PLEKHA5: variants seen among roughly 807,000 people sequenced by gnomAD.
The protein encoded by PLEKHA5 is pleckstrin homology domain containing A5, also known as pleckstrin homology domain-containing family A member 5.
A neutral mutation model predicts 181.9 loss-of-function variants in PLEKHA5; 55 were observed. That is an observed-to-expected ratio of 0.30 (90% CI 0.24 to 0.38). The LOEUF (loss-of-function observed/expected upper bound fraction) is 0.38, where lower values mean the gene tolerates loss of function less well. Ranked by LOEUF, PLEKHA5 falls within the 10% of genes least tolerant of loss-of-function variation. The pLI, the probability that PLEKHA5 is intolerant of heterozygous loss-of-function variation, is 1.00. For missense variants in PLEKHA5, 1,432 were observed against 1,549.5 expected (o/e 0.92, Z 1.27); for synonymous variants, 535 against 529.4 (o/e 1.01, Z -0.15).
At chr12:19,184,853 A>G (rs955687993) in intron 3 of PLEKHA5, among the ~76,000 whole-genome samples, 12 of 152,188 alleles carry the variant, frequency 7.9e-5, no homozygotes, top group African/African-American at 2.9e-4. Context: ...ACTGGGGAAT[A>G]CCTATAAAAA....
intron 3 of PLEKHA5, among the ~76,000 whole-genome samples, chr12:19,156,096 A>G (rs933441802): frequency 7.9e-5 from 12 of 152,172 alleles, no homozygotes; most frequent in African/African-American, 1.4e-4. Context: ...GAGCTTTCCT[A>G]TATCAGTTAT....
chr12:19,326,173 A>G (rs1182478776), intron 20 of PLEKHA5, among the ~76,000 whole-genome samples: 1 of 152,174 alleles, frequency 6.6e-6, no homozygotes, highest in African/African-American at 2.4e-5. Context: ...AAACCCTCAG[A>G]ATATATTCTT....
intron 15 of PLEKHA5, among the ~76,000 whole-genome samples, chr12:19,297,501 A>G (rs1009453160): frequency 1.9e-4 from 28 of 151,058 alleles, no homozygotes; most frequent in Non-Finnish European, 3.2e-4. Context: ...GGGCGCCTGT[A>G]GTCCCAGCTA....
intron 15 of PLEKHA5, chr12:19,306,607 C>T: frequency 3.2e-6 from 3 of 924,926 alleles, no homozygotes; most frequent in Non-Finnish European, 5.4e-6. Flanking sequence ...GGCCCAGTAG[C>T]GGAGGTGGTG....
intron 11 of PLEKHA5, among the ~76,000 whole-genome samples, chr12:19,276,428 A>T (rs2017208): frequency 1.3e-5 from 2 of 152,060 alleles, no homozygotes; most frequent in Non-Finnish European, 2.9e-5. Context: ...AGGTGGCTTG[A>T]GTCTGTAATC....
intron 3 of PLEKHA5, among the ~76,000 whole-genome samples, chr12:19,247,355 T>G (rs2064004132): frequency 6.6e-6 from 1 of 152,226 alleles, no homozygotes; most frequent in Admixed American, 6.5e-5. Context: ...AGAACTAAGA[T>G]GTCTGCTTAA....
At position 19,275,050 on chromosome 12, in the gene PLEKHA5, T is replaced by G; in HGVS notation, c.1313+67T>G. On this transcript the variant is annotated intron_variant, in intron 11 of 31. Coordinates refer to ENST00000429027, the MANE Select transcript of PLEKHA5 (RefSeq NM_001256470.2). ...TGCTGTGTTGGTGGAGATTGGTTTC[T>G]GAGCTACTGATTAAAATATTGGTTT... 3.0e-6 allele frequency: 3 copies of G among 1,003,134 alleles called. No homozygotes were observed. The South Asian group carries it at 4.5e-5, about 15-fold the overall frequency. The allele number at this position is 1,003,134 out of a possible 1,614,324, so 62.1% of individuals were successfully genotyped here.
Position 19,130,658 on chromosome 12 carries a change from G to A in PLEKHA5, c.169+528G>A, listed in dbSNP as rs1670045539. 6.6e-6 allele frequency: 1 copy of A among 152,630 alleles called. No homozygotes were observed. The highest frequency in any genetic ancestry group is 1.5e-5 in the Non-Finnish European group (1 of 68,346). 9.5% of individuals were successfully genotyped at this position (152,630 alleles called of 1,614,324 possible). On this transcript the variant is annotated intron_variant, in intron 2 of 31. Coordinates refer to ENST00000429027, the MANE Select transcript of PLEKHA5 (RefSeq NM_001256470.2). The surrounding 1 kb of genome is among the most constrained non-coding windows in gnomAD (Gnocchi z 4.5). ...GCCGTGCAGCTTCCTCCTCCTAGGT[G>A]GGACTTGTGGGTAGGTGGCTGATGA...
chr12:19,175,387 C>T (rs1300967879), intron 3 of PLEKHA5, among the ~76,000 whole-genome samples: 1 of 152,032 alleles, frequency 6.6e-6, no homozygotes, highest in Non-Finnish European at 1.5e-5. Context: ...ATTAACCAGA[C>T]TTTTTTCAGT....
At chr12:19,337,441 T>G (rs1030362241) in intron 21 of PLEKHA5, among the ~76,000 whole-genome samples, 17 of 147,088 alleles carry the variant, frequency 1.2e-4, no homozygotes, top group Non-Finnish European at 3.0e-5. Flanking sequence ...CCCAGCTACT[T>G]GGGAGGCTGA....
intron 3 of PLEKHA5, among the ~76,000 whole-genome samples, chr12:19,137,563 A>G (rs1297836649): frequency 2.0e-5 from 3 of 152,202 alleles, no homozygotes; most frequent in African/African-American, 7.2e-5. Flanking sequence ...AGAGATAAAT[A>G]TGCAGTATAT....
intron 16 of PLEKHA5, among the ~76,000 whole-genome samples, chr12:19,318,036 T>TG (rs2089549507): frequency 1.3e-5 from 2 of 151,710 alleles, no homozygotes. Flanking sequence ...TTCTTTTTTT[T>TG]CGGTAGGGCC....
intron 3 of PLEKHA5, among the ~76,000 whole-genome samples, chr12:19,196,700 A>G (rs540516735): frequency 1.3e-5 from 2 of 152,234 alleles, no homozygotes; most frequent in Non-Finnish European, 2.9e-5. Context: ...AAGATTATTA[A>G]TGTATCCACA....
chr12:19,277,158 GA>G (rs398018680), intron 11 of PLEKHA5, among the ~76,000 whole-genome samples: 6 of 151,922 alleles, frequency 3.9e-5, no homozygotes, highest in African/African-American at 9.6e-5. Flanking sequence ...GGTCTGGGGG[GA>G]AAAAAATGAA....
At chr12:19,230,844 G>T (rs2152380370) in intron 3 of PLEKHA5, among the ~76,000 whole-genome samples, 1 of 152,322 alleles carries the variant, frequency 6.6e-6, no homozygotes, top group South Asian at 2.1e-4. Context: ...GGCACGGCCA[G>T]AGTGGGCGCC....
chr12:19,165,308 C>T (rs1014860824), intron 3 of PLEKHA5, among the ~76,000 whole-genome samples: 8 of 152,184 alleles, frequency 5.3e-5, no homozygotes, highest in African/African-American at 1.9e-4. Context: ...CCCATGATCA[C>T]AGCACTATTT....
chr12:19,163,928 G>A (rs1488658556), intron 3 of PLEKHA5, among the ~76,000 whole-genome samples: 1 of 152,022 alleles, frequency 6.6e-6, no homozygotes, highest in Non-Finnish European at 1.5e-5. Flanking sequence ...ACCAAACTCA[G>A]AATTTTCTTC....
chr12:19,367,606 G>A (rs956963428), intron 30 of PLEKHA5, among the ~76,000 whole-genome samples: 2 of 148,642 alleles, frequency 1.3e-5, no homozygotes, highest in African/African-American at 5.0e-5. Flanking sequence ...TTGAGATGGA[G>A]TCTTGCTCTG....
chr12:19,229,966 C>T lies in PLEKHA5; in HGVS notation c.228-23974C>T, dbSNP rs138112117. On this transcript the variant is annotated intron_variant, in intron 3 of 31. Transcript: ENST00000429027. The stretch of plus-strand genomic sequence containing the variant: ...GATTGGTGTGTTTACAAACCTTGAG[C>T]TAGATACAGAGTGCTGATTGGTGTA... 1.9e-3 allele frequency among the ~76,000 whole-genome samples: 294 copies of T among 152,208 alleles called. 1 individual carries two copies. The highest frequency in any genetic ancestry group is 6.7e-3 in the African/African-American group (280 of 41,518).
Sources: allele counts gnomAD v4.1 joint callset (sites outside exome capture counted in the v4.1 genomes callset), GRCh38; gene constraint gnomAD v4.1.1; non-coding constraint Gnocchi (gnomAD v3.1); transcripts MANE v1.5; gene names NCBI Gene and HGNC (gene_info 2026-07-23, HGNC 2026-07-21).